The following SNX29 variants were observed in gnomAD, a reference collection of about 807,000 sequenced individuals.
SNX29 encodes sorting nexin-29.
In SNX29, 78 loss-of-function variants were observed where a neutral mutation model predicts 102.1. The ratio of observed to expected loss-of-function variants is 0.76; its 90% confidence interval spans 0.64 to 0.92. The LOEUF (loss-of-function observed/expected upper bound fraction) is 0.92, where lower values mean the gene tolerates loss of function less well. SNX29 is among the 40% of genes least tolerant of loss of function. The probability of loss-of-function intolerance (pLI) is 0.00; values close to 1 mark genes in which losing one functional copy is unlikely to be tolerated. For synonymous variants in SNX29, 580 were observed against 414.5 expected, an observed-to-expected ratio of 1.40 and a Z score of -4.85; for missense variants, 1,280 against 1,061.7, an observed-to-expected ratio of 1.21 and a Z score of -2.86.
chr16:12,310,084 G>GCACACATGCA (rs1222308364), intron 15 of SNX29, among the ~76,000 whole-genome samples: 2 of 148,378 alleles, frequency 1.3e-5, no homozygotes, highest in Non-Finnish European at 3.0e-5. Flanking sequence ...ATACACATGT[G>GCACACATGCA]CACACATGCA....
intron 7 of SNX29, 146 bp downstream of exon 7, chr16:12,048,766 C>G (rs2050190001): frequency 2.2e-6 from 3 of 1,384,524 alleles, no homozygotes; most frequent in South Asian, 1.2e-5. Flanking sequence ...GTTTCTCATC[C>G]TCATTCACTC....
chr16:12,560,045 A>T (rs1000471488), intron 20 of SNX29, among the ~76,000 whole-genome samples: 5 of 152,112 alleles, frequency 3.3e-5, no homozygotes, highest in African/African-American at 9.7e-5. Context: ...ATACACAAAG[A>T]AAAATGACTA....
At chr16:12,303,918 C>CAGCTGAGCCTGTCTTGCCCATTTTCAG (rs1439901522) in intron 15 of SNX29, among the ~76,000 whole-genome samples, 42 of 152,192 alleles carry the variant, frequency 2.8e-4, no homozygotes, top group African/African-American at 1.0e-3. Context: ...CCTATTCCCC[C>CAGCTGAGCCTGTCTTGCCCATTTTCAG]AGCTGAGCCT....
chr16:12,344,294 A>G (rs1304292051), intron 15 of SNX29, among the ~76,000 whole-genome samples: 1 of 152,158 alleles, frequency 6.6e-6, no homozygotes, highest in Admixed American at 6.5e-5. Flanking sequence ...CAAAGCAGAG[A>G]GAGATTGTCC....
intron 20 of SNX29, among the ~76,000 whole-genome samples, chr16:12,548,990 G>A (rs904377385): frequency 1.1e-4 from 17 of 152,318 alleles, no homozygotes; most frequent in East Asian, 9.6e-4. Flanking sequence ...CTGCTCTCCC[G>A]TGCTTTGGGT....
intron 20 of SNX29, chr16:12,526,807 G>T (rs953804180): frequency 7.3e-6 from 3 of 408,936 alleles, no homozygotes; most frequent in African/African-American, 4.0e-5. Flanking sequence ...CACAGCCCAG[G>T]CATCTCCGGT....
At chr16:12,446,901 C>CA (rs1332550497) in intron 18 of SNX29, among the ~76,000 whole-genome samples, 20 of 151,994 alleles carry the variant, frequency 1.3e-4, no homozygotes, top group African/African-American at 4.8e-4. Flanking sequence ...TGTGGTGACT[C>CA]ACATGGTAAT....
intron 13 of SNX29, among the ~76,000 whole-genome samples, chr16:12,175,711 G>C (rs1223456724): frequency 6.6e-6 from 1 of 151,798 alleles, no homozygotes; most frequent in South Asian, 2.1e-4. Context: ...TATAAGAAGA[G>C]GGGAGGTTGG....
intron 16 of SNX29, among the ~76,000 whole-genome samples, chr16:12,364,416 CT>C (rs1163569342): frequency 3.6e-3 from 355 of 98,628 alleles, no homozygotes; most frequent in East Asian, 0.018. Context: ...CTCTCTTCTT[CT>C]TTTTTTTTTT....
chr16:12,506,746 G>T (rs1474714604), intron 19 of SNX29, among the ~76,000 whole-genome samples: 1 of 152,204 alleles, frequency 6.6e-6, no homozygotes, highest in African/African-American at 2.4e-5. Context: ...TCAGGGAATG[G>T]TGGTAAAGAA....
intron 19 of SNX29, among the ~76,000 whole-genome samples, chr16:12,520,059 G>T (rs1056492213): frequency 6.6e-6 from 1 of 152,100 alleles, no homozygotes; most frequent in African/African-American, 2.4e-5. Flanking sequence ...TCACAGGCAG[G>T]AATATAGCCT....
At chr16:12,078,650 G>C (rs1367774462) in intron 10 of SNX29, among the ~76,000 whole-genome samples, 183 bp from the exon 11 acceptor site, 1 of 152,208 alleles carries the variant, frequency 6.6e-6, no homozygotes, top group Non-Finnish European at 1.5e-5. Context: ...ATAAATTTTA[G>C]TGCGTAGATG....
intron 15 of SNX29, among the ~76,000 whole-genome samples, chr16:12,293,694 C>T (rs955893269): frequency 3.9e-5 from 6 of 152,158 alleles, no homozygotes; most frequent in African/African-American, 1.4e-4. Flanking sequence ...ACATTTTTTA[C>T]TTAATCCACT....
intron 15 of SNX29, among the ~76,000 whole-genome samples, chr16:12,336,980 A>G (rs1237983807): frequency 2.0e-5 from 3 of 152,208 alleles, no homozygotes; most frequent in Non-Finnish European, 4.4e-5. Context: ...CAGACACCAC[A>G]AGAAGCCTTG....
intron 14 of SNX29, among the ~76,000 whole-genome samples, chr16:12,275,926 T>C (rs929247997): frequency 2.0e-5 from 3 of 148,070 alleles, no homozygotes; most frequent in Non-Finnish European, 4.5e-5. Flanking sequence ...AGAGTCTTGC[T>C]CTGTTGCCCA....
intron 16 of SNX29, 107 bp from the exon 17 acceptor site, chr16:12,398,339 T>G (rs1397092362): frequency 2.5e-6 from 3 of 1,217,130 alleles, no homozygotes; most frequent in Non-Finnish European, 3.6e-6. Context: ...TCATTCTGAA[T>G]AGGAAATGTT....
At chr16:12,128,998 C>A (rs73517900) in intron 12 of SNX29, among the ~76,000 whole-genome samples, 2 of 152,094 alleles carry the variant, frequency 1.3e-5, no homozygotes, top group African/African-American at 4.8e-5. Flanking sequence ...CTGCCAGCCC[C>A]CTGTTGGAGG....
At chr16:12,157,188 A>C (rs2055588545) in intron 13 of SNX29, among the ~76,000 whole-genome samples, 1 of 152,140 alleles carries the variant, frequency 6.6e-6, no homozygotes, top group Non-Finnish European at 1.5e-5. Context: ...TTCATCCACC[A>C]ACATCCACCC....
rs1325376334 is a variant in SNX29 at position 12,013,541 on chromosome 16, A to ATATATATATATG, written c.122+10499_122+10500insATATATATATGT. Among the ~76,000 whole-genome samples, 12 of 119,218 alleles carry ATATATATATATG rather than the reference A, an allele frequency of 1.0e-4. No individual in the cohort carries two copies. The South Asian group carries it at 1.1e-3, about 11-fold the overall frequency. The allele number at this position is 119,218 out of a possible 152,430, so 78.2% of individuals were successfully genotyped here. ...TATATATATATATATATATATATAT[A>ATATATATATATG]TCGAGAGAGGAGAAAAGGGTGGTCT... On this transcript the variant is annotated intron_variant, in intron 3 of 20. Transcript: ENST00000566228.
Sources: gnomAD v4.1 joint callset for allele counts (sites outside exome capture counted in the v4.1 genomes callset) on GRCh38, gnomAD v4.1.1 for gene constraint, MANE v1.5 for transcripts, NCBI Gene and HGNC (gene_info 2026-07-23, HGNC 2026-07-21) for gene names.